Variants in RAB2B observed in about 807,000 individuals in gnomAD.
RAB2B encodes the protein RAB2B, member RAS oncogene family.
In RAB2B, 20 loss-of-function variants were observed where a neutral mutation model predicts 29.8. That is an observed-to-expected ratio of 0.67 (90% CI 0.47 to 0.97). The LOEUF (loss-of-function observed/expected upper bound fraction) is 0.97. RAB2B is among the 50% of genes least tolerant of loss of function. RAB2B has a pLI of 0.00. For synonymous variants in RAB2B, 93 were observed against 91.7 expected (o/e 1.01, Z -0.08); for missense variants, 218 against 272.0 (o/e 0.80, Z 1.40).
Position 21,476,615 on chromosome 14 carries a change from CACT to C in RAB2B, c.47-19_47-17del, listed in dbSNP as rs1206287838. ...TTCCCCACACCTGAAAGAGAAAGCACACTCCCGGAATCACGCAGCCCTGGAACA... is the reference window on the plus strand; with the variant it reads ...TTCCCCACACCTGAAAGAGAAAGCACCCCGGAATCACGCAGCCCTGGAACA... On this transcript the variant is annotated splice_polypyrimidine_tract_variant and intron_variant, in intron 1 of 7. Coordinates refer to ENST00000397762, the MANE Select transcript of RAB2B (RefSeq NM_032846.4). 1.2e-6 allele frequency: 2 copies of C among 1,613,736 alleles called. No individual in the cohort carries two copies. The highest frequency in any genetic ancestry group is 1.7e-6 in the Non-Finnish European group (2 of 1,179,988).
chr14:21,465,146 C>T (rs993479309), intron 5 of RAB2B, among the ~76,000 whole-genome samples: 2 of 152,084 alleles, frequency 1.3e-5, no homozygotes, highest in African/African-American at 2.4e-5. Flanking sequence ...CATTAAAGAA[C>T]AACAAATCTA....
At chr14:21,465,587 T>C (rs184860125) in intron 5 of RAB2B, among the ~76,000 whole-genome samples, 91 of 152,368 alleles carry the variant, frequency 6.0e-4, no homozygotes, top group Non-Finnish European at 1.1e-3. Context: ...ACTTCAGTCC[T>C]TGTTCTCCTC....
chr14:21,465,807 T>G (rs1291107729), intron 5 of RAB2B, among the ~76,000 whole-genome samples: 3 of 152,168 alleles, frequency 2.0e-5, no homozygotes, highest in Non-Finnish European at 4.4e-5. Context: ...TCTTGCACTA[T>G]TCCCTCTTGA....
Position 21,460,057 on chromosome 14 carries a change from T to C in RAB2B, c.*1139A>G, listed in dbSNP as rs754611023. 4.4e-6 allele frequency: 2 copies of C among 456,344 alleles called. No individual in the cohort carries two copies. The highest frequency in any genetic ancestry group is 2.0e-5 in the African/African-American group (1 of 49,428). 28.3% of individuals were successfully genotyped at this position (456,344 alleles called of 1,614,324 possible). A position where few individuals can be genotyped will look rare whatever the true frequency, so the allele number is the denominator to read the frequency against. Reference sequence around the variant, plus strand: ...TACACTAAGAGATAGAAGCTAATAATAGGATAGTAGAGAAGTACTCAGTGC... The same window carrying C: ...TACACTAAGAGATAGAAGCTAATAACAGGATAGTAGAGAAGTACTCAGTGC... On this transcript the variant is annotated 3_prime_UTR_variant, in exon 8 of 8. Transcript: ENST00000397762.
chr14:21,474,819 T>C, intron 3 of RAB2B, 48 bp downstream of exon 3: 2 of 1,489,388 alleles, frequency 1.3e-6, no homozygotes, highest in Non-Finnish European at 1.9e-6. Context: ...CAGCTTTTCT[T>C]GTTATACTTG....
intron 7 of RAB2B, 130 bp downstream of exon 7, chr14:21,462,220 A>AT: frequency 1.8e-6 from 1 of 571,134 alleles, no homozygotes; most frequent in Non-Finnish European, 2.7e-6. Context: ...AAAAAAAAAA[A>AT]GTGTTGAATT....
In RAB2B at chr14:21,460,226, G is replaced by T. The variant is rs781091836; in HGVS notation, c.*970C>A. 3 of 518,838 alleles carry T rather than the reference G, an allele frequency of 5.8e-6. No individual in the cohort carries two copies. Among genetic ancestry groups the T allele is most frequent in the Non-Finnish European group, 1.2e-5 (3 of 259,846 alleles). 32.1% of individuals were successfully genotyped at this position (518,838 alleles called of 1,614,324 possible). On this transcript the variant is annotated 3_prime_UTR_variant, in exon 8 of 8. Coordinates refer to ENST00000397762, the MANE Select transcript of RAB2B (RefSeq NM_032846.4). ...AAAGGCCAACTAGATCTAGGTAATT[G>T]CAAGTGTTCAAATAGAATGTCTTTG...
chr14:21,461,129 C>A lies in RAB2B; in HGVS notation c.*67G>T. 1 of 1,098,824 alleles carries A rather than the reference C, an allele frequency of 9.1e-7. No individual in the cohort carries two copies. Among genetic ancestry groups the A allele is most frequent in the South Asian group, 1.4e-5 (1 of 70,924 alleles). The allele number at this position is 1,098,824 out of a possible 1,614,324, so 68.1% of individuals were successfully genotyped here. ...CTGCTCTCAGCCAAAGCAAGAAAGA[C>A]CTCTTTCATTAAGCCTATTGATCTG... On this transcript the variant is annotated 3_prime_UTR_variant, in exon 8 of 8. Transcript: ENST00000397762.
intron 6 of RAB2B, among the ~76,000 whole-genome samples, chr14:21,463,256 T>TG (rs879381767): frequency 6.6e-6 from 1 of 151,070 alleles, no homozygotes; most frequent in Non-Finnish European, 1.5e-5. Context: ...TTCTTTTTTT[T>TG]TTTTTTTGGA....
chr14:21,472,317 G>C (rs1890838082), intron 3 of RAB2B, among the ~76,000 whole-genome samples: 1 of 152,094 alleles, frequency 6.6e-6, no homozygotes, highest in Admixed American at 6.6e-5. Flanking sequence ...ATAAATGCCA[G>C]AACAAAGACA....
chr14:21,463,443 C>T (rs1890613839), intron 6 of RAB2B, among the ~76,000 whole-genome samples: 2 of 152,098 alleles, frequency 1.3e-5, no homozygotes, highest in Non-Finnish European at 2.9e-5. Flanking sequence ...GATGGGGTTT[C>T]ACCATATTGC....
chr14:21,462,265 G>T, intron 7 of RAB2B, 85 bp downstream of exon 7: 1 of 1,092,702 alleles, frequency 9.2e-7, no homozygotes, highest in Non-Finnish European at 1.3e-6. Context: ...GATAGATGGG[G>T]AATGTAAGCA....
At chr14:21,465,342 T>A (rs1383923200) in intron 5 of RAB2B, among the ~76,000 whole-genome samples, 1 of 152,156 alleles carries the variant, frequency 6.6e-6, no homozygotes, top group Non-Finnish European at 1.5e-5. Flanking sequence ...AAATGGAACT[T>A]CTTTTCCCCT....
rs1277037140 is a variant in RAB2B at position 21,461,233 on chromosome 14, T to A, written c.614A>T (p.Asn205Ile). ...AGAGTTGGACCCTATGTCACGAGAG[T>A]TCCGCTGGGAGGCACTGGGTCCCAC... The part of the protein sequence containing the change: ...TSVGPSASQR[N>I]SRDIGSNSGC... The change falls in exon 8 of 8, where the codon AAC (asparagine) becomes ATC (isoleucine). Residue 205 changes from asparagine (N) to isoleucine (I), a missense_variant. Coordinates refer to ENST00000397762, the MANE Select transcript of RAB2B (RefSeq NM_032846.4). 6 of 1,613,738 alleles carry A rather than the reference T, an allele frequency of 3.7e-6. No individual in the cohort carries two copies. Among genetic ancestry groups the A allele is most frequent in the Admixed American group, 1.7e-5 (1 of 59,996 alleles).
At chr14:21,462,214 A>G (rs1190422172) in intron 7 of RAB2B, 136 bp downstream of exon 7, 1 of 610,028 alleles carries the variant, frequency 1.6e-6, no homozygotes, top group Non-Finnish European at 2.5e-6. Context: ...AAAAAAAAAA[A>G]AAAAAAGTGT....
At chr14:21,474,275 A>G (rs1458941440) in intron 3 of RAB2B, among the ~76,000 whole-genome samples, 1 of 152,250 alleles carries the variant, frequency 6.6e-6, no homozygotes, top group African/African-American at 2.4e-5. Context: ...TGATGGTTAC[A>G]TAAATCATGC....
chr14:21,466,075 A>C (rs1273060387), intron 5 of RAB2B, among the ~76,000 whole-genome samples: 2 of 152,222 alleles, frequency 1.3e-5, no homozygotes, highest in African/African-American at 2.4e-5. Flanking sequence ...TTTTATATTT[A>C]ACATCTATGC....
intron 2 of RAB2B, among the ~76,000 whole-genome samples, chr14:21,475,432 T>G (rs969846377): frequency 6.9e-6 from 1 of 145,140 alleles, no homozygotes; most frequent in Non-Finnish European, 1.5e-5. Context: ...AAACAATACT[T>G]TTTTTTTTTT....
chr14:21,471,806 G>A (rs1457656972), intron 3 of RAB2B, among the ~76,000 whole-genome samples: 1 of 151,540 alleles, frequency 6.6e-6, no homozygotes, highest in African/African-American at 2.4e-5. Flanking sequence ...CTCCCCAGTA[G>A]CTGGCATTAC....
Sources: allele counts gnomAD v4.1 joint callset (sites outside exome capture counted in the v4.1 genomes callset), GRCh38; gene constraint gnomAD v4.1.1; transcripts MANE v1.5; gene names NCBI Gene and HGNC (gene_info 2026-07-23, HGNC 2026-07-21).